The following MYH15 variants were observed in gnomAD, a reference collection of about 807,000 sequenced individuals.
MYH15 encodes myosin-15.
A neutral mutation model predicts 240.5 loss-of-function variants in MYH15; 227 were observed. The observed-to-expected ratio is 0.94, with a 90% CI of 0.85 to 1.05. The LOEUF (loss-of-function observed/expected upper bound fraction) is 1.05. MYH15 is among the 50% of genes least tolerant of loss of function. The probability of loss-of-function intolerance (pLI) is 0.00; values close to 1 mark genes in which losing one functional copy is unlikely to be tolerated. For missense variants in MYH15, 2,217 were observed against 2,247.5 expected (o/e 0.99, Z 0.27); for synonymous variants, 785 against 796.7 (o/e 0.99, Z 0.25).
the MYH15 span, among the ~76,000 whole-genome samples, chr3:108,542,747 G>A: frequency 4.6e-5 from 7 of 151,962 alleles, no homozygotes; most frequent in African/African-American, 9.7e-5. Flanking sequence ...TGTTCCCCAC[G>A]TGTCCATGTG....
chr3:108,503,503 T>C (rs963807768), intron 2 of MYH15, among the ~76,000 whole-genome samples: 2 of 152,196 alleles, frequency 1.3e-5, no homozygotes, highest in East Asian at 1.9e-4. Flanking sequence ...AGAGCTTGAA[T>C]AGACATTTCT....
chr3:108,493,175 G>T lies in MYH15; in HGVS notation c.714C>A (p.Gly238=), dbSNP rs775894107. 6.8e-6 allele frequency: 11 copies of T among 1,613,844 alleles called. No homozygotes were observed. The highest frequency in any genetic ancestry group is 5.0e-5 in the Admixed American group (3 of 59,982). Residue 238 remains glycine (G), a splice_region_variant and synonymous_variant, in exon 8 of 41, where the codon GGC becomes GGA. Coordinates refer to ENST00000693548, the MANE Select transcript of MYH15 (RefSeq NM_014981.3). ...TLRNDNSSRF[G]KFIRMHFGAR... is the part of the protein sequence containing the mutation. ...CACCAAAGTGCATCCTGATGAATTT[G>T]CCCTAGTGTGGACACAGAACACAGT...
chr3:108,475,867 A>G (rs1307261747), intron 12 of MYH15, among the ~76,000 whole-genome samples: 1 of 152,210 alleles, frequency 6.6e-6, no homozygotes, highest in Non-Finnish European at 1.5e-5. Context: ...GTTATTCTCT[A>G]CTATAACATT....
chr3:108,539,055 T>C, the MYH15 span, among the ~76,000 whole-genome samples: 2,919 of 152,286 alleles, frequency 0.019, 104 homozygotes, highest in African/African-American at 0.067. Context: ...ATGTCCTAGT[T>C]ACTTTTTATT....
the MYH15 span, among the ~76,000 whole-genome samples, chr3:108,539,449 A>G: frequency 6.6e-6 from 1 of 152,172 alleles, no homozygotes; most frequent in African/African-American, 2.4e-5. Flanking sequence ...TATATTCTTC[A>G]CAATATTTTA....
At chr3:108,384,869 AG>A in intron 38 of MYH15, 87 bp from the exon 39 acceptor site, 1 of 1,161,516 alleles carries the variant, frequency 8.6e-7, no homozygotes, top group Non-Finnish European at 1.2e-6. Flanking sequence ...AATAAGGATC[AG>A]GGAACTTTAT....
chr3:108,395,340 TG>T (rs1367583524), intron 35 of MYH15, among the ~76,000 whole-genome samples: 26 of 152,240 alleles, frequency 1.7e-4, no homozygotes, highest in Admixed American at 1.6e-3. Context: ...CTCTATGGCA[TG>T]AAGCATCTTT....
intron 16 of MYH15, among the ~76,000 whole-genome samples, chr3:108,462,534 A>G (rs2083080511): frequency 6.6e-6 from 1 of 152,114 alleles, no homozygotes; most frequent in African/African-American, 2.4e-5. Context: ...TTCTGTATAT[A>G]TCTTAAAGTG....
intron 27 of MYH15, among the ~76,000 whole-genome samples, chr3:108,424,497 G>T (rs1251170771): frequency 1.3e-5 from 2 of 152,214 alleles, no homozygotes; most frequent in Non-Finnish European, 2.9e-5. Flanking sequence ...GGATGAGAAG[G>T]TTAATAGAAT....
intron 6 of MYH15, 32 bp from the exon 7 acceptor site, chr3:108,495,904 G>A: frequency 6.6e-7 from 1 of 1,512,322 alleles, no homozygotes; most frequent in Middle Eastern, 1.7e-4. Context: ...TACAGCTGAT[G>A]AAACTATTAG....
intron 24 of MYH15, among the ~76,000 whole-genome samples, chr3:108,437,945 G>A (rs142665853): frequency 1.3e-5 from 2 of 152,328 alleles, no homozygotes; most frequent in African/African-American, 4.8e-5. Context: ...CTTAGGGAAG[G>A]AACCAACAAG....
chr3:108,390,772 C>T (rs2082417621), intron 37 of MYH15, among the ~76,000 whole-genome samples: 1 of 152,058 alleles, frequency 6.6e-6, no homozygotes, highest in South Asian at 2.1e-4. Flanking sequence ...TTAGAGACTG[C>T]TGAGTTTTTT....
At chr3:108,385,357 T>C (rs1423673647) in intron 38 of MYH15, among the ~76,000 whole-genome samples, 2 of 152,224 alleles carry the variant, frequency 1.3e-5, no homozygotes, top group Non-Finnish European at 2.9e-5. Context: ...AGATAAATTT[T>C]CTGGAATTCT....
chr3:108,510,387 G>A, intron 1 of MYH15, 56 bp downstream of exon 1: 1 of 1,557,942 alleles, frequency 6.4e-7, no homozygotes, highest in East Asian at 2.2e-5. Flanking sequence ...AAATATCTTA[G>A]TCACCATCTT....
intron 7 of MYH15, among the ~76,000 whole-genome samples, chr3:108,494,028 A>C (rs1424758341): frequency 6.6e-6 from 1 of 152,218 alleles, no homozygotes; most frequent in African/African-American, 2.4e-5. Flanking sequence ...TGCCAGATGC[A>C]GCTGAGGAGG....
chr3:108,431,499 T>A (rs1323670160), intron 25 of MYH15, among the ~76,000 whole-genome samples: 1 of 152,236 alleles, frequency 6.6e-6, no homozygotes, highest in Non-Finnish European at 1.5e-5. Flanking sequence ...AGATGTGACT[T>A]GCTCCTCCTT....
chr3:108,492,793 T>C (rs957098990), intron 8 of MYH15, among the ~76,000 whole-genome samples, 198 bp from the exon 9 acceptor site: 2 of 151,420 alleles, frequency 1.3e-5, no homozygotes, highest in East Asian at 1.9e-4. Context: ...CAAAGAAAAA[T>C]TTTTAAAATT....
chr3:108,469,371 T>C (rs2083151007), intron 14 of MYH15, among the ~76,000 whole-genome samples: 1 of 152,196 alleles, frequency 6.6e-6, no homozygotes, highest in South Asian at 2.1e-4. Flanking sequence ...GCCGCCATGC[T>C]TGCTCCCATG....
chr3:108,452,905 C>A (rs1576242291), intron 21 of MYH15, among the ~76,000 whole-genome samples: 1 of 151,834 alleles, frequency 6.6e-6, no homozygotes, highest in East Asian at 1.9e-4. Context: ...ATTGTTGAGC[C>A]CAGGAGTTCG....
Sources: allele counts gnomAD v4.1 joint callset (sites outside exome capture counted in the v4.1 genomes callset), GRCh38; gene constraint gnomAD v4.1.1; transcripts MANE v1.5; gene names NCBI Gene and HGNC (gene_info 2026-07-23, HGNC 2026-07-21).